Variants in NPIPA5 observed in about 807,000 individuals in gnomAD.
The protein encoded by NPIPA5 is nuclear pore complex-interacting protein family member A5.
A neutral mutation model predicts 21.4 loss-of-function variants in NPIPA5; 6 were observed. The observed-to-expected ratio is 0.28, with a 90% CI of 0.15 to 0.55. The LOEUF is 0.55. Ranked by LOEUF, NPIPA5 falls within the 20% of genes least tolerant of loss-of-function variation. The pLI, the probability that NPIPA5 is intolerant of heterozygous loss-of-function variation, is 0.93. For synonymous variants in NPIPA5, 33 were observed against 115.3 expected (o/e 0.29, Z 4.57); for missense variants, 99 against 318.2 (o/e 0.31, Z 5.24).
chr16:15,377,877 G>A (rs1389558433), intron 1 of NPIPA5, among the ~76,000 whole-genome samples: 1 of 150,594 alleles, frequency 6.6e-6, no homozygotes, highest in Non-Finnish European at 1.5e-5. Flanking sequence ...AGGAGACAAA[G>A]GTTCTGCTTT....
intron 4 of NPIPA5, among the ~76,000 whole-genome samples, chr16:15,367,071 G>T (rs1034836186): frequency 3.1e-4 from 47 of 152,198 alleles, no homozygotes; most frequent in African/African-American, 1.1e-3. Context: ...CGTCTCTGGG[G>T]TCAGTCTTGT....
rs2050119872 is a variant in NPIPA5 at position 15,370,421 on chromosome 16, G to GACAC, written c.193-303_193-302insGTGT. Among the ~76,000 whole-genome samples the GACAC allele has an allele frequency of 1.1e-4, 8 of 73,360 alleles. No homozygotes were observed. In the South Asian group the frequency reaches 4.4e-3, roughly 40 times the overall value. The allele number at this position is 73,360 out of a possible 152,430, so 48.1% of individuals were successfully genotyped here. ...AGCCTGAGTGACAGAATGAGACTCT[G>GACAC]TCACACACACACACACACACACACA... On this transcript the variant is annotated intron_variant, in intron 2 of 7. Transcript: ENST00000360151.
At chr16:15,369,155 A>T (rs1295972374) in intron 4 of NPIPA5, among the ~76,000 whole-genome samples, 5 of 147,696 alleles carry the variant, frequency 3.4e-5, no homozygotes, top group Non-Finnish European at 7.5e-5. Flanking sequence ...CTATCTCAAA[A>T]TTAAAAAAAA....
chr16:15,376,083 T>C (rs190403410), intron 1 of NPIPA5, among the ~76,000 whole-genome samples: 3 of 152,208 alleles, frequency 2.0e-5, no homozygotes, highest in Non-Finnish European at 4.4e-5. Context: ...ATTTCAGAAA[T>C]ACGGTGTTGA....
chr16:15,374,309 C>T (rs1455943734), intron 1 of NPIPA5, among the ~76,000 whole-genome samples: 1 of 151,406 alleles, frequency 6.6e-6, no homozygotes, highest in African/African-American at 2.4e-5. Flanking sequence ...AGCCATTCTC[C>T]TGCCTCAGCC....
At chr16:15,378,021 C>T (rs2050357104) in intron 1 of NPIPA5, among the ~76,000 whole-genome samples, 1 of 144,736 alleles carries the variant, frequency 6.9e-6, no homozygotes, top group African/African-American at 2.6e-5. Flanking sequence ...ATCCCAATGA[C>T]CCCTCCCCCA....
At chr16:15,376,019 G>T (rs931079978) in intron 1 of NPIPA5, among the ~76,000 whole-genome samples, 7 of 151,606 alleles carry the variant, frequency 4.6e-5, no homozygotes, top group African/African-American at 1.7e-4. Flanking sequence ...CTCAGCATAT[G>T]CTGAGTCTGA....
At chr16:15,375,983 CAG>C (rs2050281139) in intron 1 of NPIPA5, among the ~76,000 whole-genome samples, 1 of 150,312 alleles carries the variant, frequency 6.7e-6, no homozygotes, top group Non-Finnish European at 1.5e-5. Flanking sequence ...GTGAATTAAA[CAG>C]AGATAGCCCT....
intron 1 of NPIPA5, among the ~76,000 whole-genome samples, chr16:15,375,791 G>C (rs2050276524): frequency 6.6e-6 from 1 of 150,578 alleles, no homozygotes; most frequent in Non-Finnish European, 1.5e-5. Flanking sequence ...AAAATGGCAT[G>C]AATAGTGTGG....
intron 2 of NPIPA5, among the ~76,000 whole-genome samples, chr16:15,371,040 C>T (rs1445012293): frequency 8.9e-5 from 7 of 78,722 alleles, no homozygotes; most frequent in South Asian, 5.0e-4. Flanking sequence ...AGTGAGACTC[C>T]GTCTCAAAAA....
intron 4 of NPIPA5, among the ~76,000 whole-genome samples, chr16:15,368,604 T>C (rs1336267673): frequency 9.0e-4 from 133 of 148,198 alleles, no homozygotes; most frequent in African/African-American, 3.0e-3. Context: ...TGGCTCACAC[T>C]GGGAGGCTGA....
At chr16:15,379,379 C>T (rs2050382342), upstream of NPIPA5, among the ~76,000 whole-genome samples, 2 of 151,336 alleles carry the variant, frequency 1.3e-5, no homozygotes, top group African/African-American at 4.9e-5. Context: ...ACCAGCCTGG[C>T]CAATATGGTG....
intron 4 of NPIPA5, 146 bp downstream of exon 4, chr16:15,369,566 C>G: frequency 1.7e-6 from 2 of 1,154,492 alleles, no homozygotes; most frequent in East Asian, 2.6e-5. Flanking sequence ...ACAGCTTAAA[C>G]TAATGAAGCA....
At chr16:15,371,932 C>A (rs1161447070) in intron 2 of NPIPA5, among the ~76,000 whole-genome samples, 2 of 143,890 alleles carry the variant, frequency 1.4e-5, no homozygotes, top group South Asian at 2.2e-4. Context: ...AAAAGAGCAA[C>A]CACGTCTATC....
At chr16:15,367,332 A>G (rs1385445375) in intron 4 of NPIPA5, among the ~76,000 whole-genome samples, 2 of 152,096 alleles carry the variant, frequency 1.3e-5, no homozygotes, top group Admixed American at 6.5e-5. Flanking sequence ...AACTCTTGTC[A>G]TCGACTTTAA....
intron 1 of NPIPA5, among the ~76,000 whole-genome samples, chr16:15,374,516 T>C (rs1365914121): frequency 6.8e-6 from 1 of 147,920 alleles, no homozygotes; most frequent in African/African-American, 2.5e-5. Context: ...TTTTTGTTTG[T>C]TGTTTGTTTT....
rs768450403 is a variant in NPIPA5 at position 15,363,855 on chromosome 16, G to A, written c.857C>T (p.Pro286Leu). 2.4e-5 allele frequency: 39 copies of A among 1,592,876 alleles called. 1 individual carries two copies. Among genetic ancestry groups the A allele is most frequent in the Middle Eastern group, 4.1e-4 (2 of 4,914 alleles). Residue 286 changes from proline to leucine, a missense_variant, in exon 8 of 8, where the codon CCC (proline) becomes CTC (leucine). Pro to Leu is a moderately conservative substitution (Grantham distance 98, BLOSUM62 -3). Around this residue, in one of 5 missense-constraint regions of NPIPA5, gnomAD observed 75 missense variants for 138.5 expected, o/e 0.54. Coordinates refer to ENST00000360151, the MANE Select transcript of NPIPA5 (RefSeq NM_001277325.2). ...PSADDNLKTP[P>L]ECLLTPLPPS... ...TGGAAGGGGAGTGAGCAGACACTCG[G>A]GAGGTGTCTTGAGATTATCATCCGC...
intron 2 of NPIPA5, among the ~76,000 whole-genome samples, chr16:15,372,471 G>A (rs886528214): frequency 1.4e-5 from 2 of 146,208 alleles, no homozygotes; most frequent in Admixed American, 7.2e-5. Context: ...GGCAACAGAG[G>A]GAGACTCCTC....
intron 1 of NPIPA5, among the ~76,000 whole-genome samples, chr16:15,376,864 C>T (rs374165975): frequency 0.033 from 2,422 of 72,344 alleles, no homozygotes; most frequent in Non-Finnish European, 0.068. Context: ...ATCTGAGCTA[C>T]TCAGGAGGCT....
Sources: allele counts gnomAD v4.1 joint callset (sites outside exome capture counted in the v4.1 genomes callset), GRCh38; gene constraint gnomAD v4.1.1; regional missense constraint gnomAD v4.1.1; transcripts MANE v1.5; gene names NCBI Gene and HGNC (gene_info 2026-07-23, HGNC 2026-07-21).